Variants in DSCAM observed in about 807,000 individuals in gnomAD.
The protein encoded by DSCAM is DS cell adhesion molecule.
In DSCAM, 47 loss-of-function variants were observed where a neutral mutation model predicts 217.7. The ratio of observed to expected loss-of-function variants is 0.22; its 90% CI spans 0.17 to 0.28. DSCAM has a LOEUF of 0.28. DSCAM is among the 10% of genes least tolerant of loss of function. The pLI is 1.00. For synonymous variants in DSCAM, 1,056 were observed against 1,015.3 expected (o/e 1.04, Z -0.76); for missense variants, 2,080 against 2,618.3 (o/e 0.79, Z 4.49).
intron 3 of DSCAM, among the ~76,000 whole-genome samples, chr21:40,640,556 A>C (rs986956557): frequency 8.5e-5 from 13 of 152,310 alleles, no homozygotes; most frequent in African/African-American, 2.9e-4. Flanking sequence ...CTATTAAGGA[A>C]GGCGGTTTAG....
chr21:40,384,553 G>A (rs959996540), intron 3 of DSCAM: 2 of 153,312 alleles, frequency 1.3e-5, no homozygotes, highest in African/African-American at 4.8e-5. Flanking sequence ...GTTGCGGTGA[G>A]CTGAGATCGC....
intron 2 of DSCAM, among the ~76,000 whole-genome samples, chr21:40,696,064 A>G (rs1201704804): frequency 6.6e-6 from 1 of 151,332 alleles, no homozygotes; most frequent in Non-Finnish European, 1.5e-5. Flanking sequence ...ACACTGGGCT[A>G]GAAACCTGAG....
At chr21:40,312,759 C>T (rs1569057534) in intron 8 of DSCAM, among the ~76,000 whole-genome samples, 1 of 152,234 alleles carries the variant, frequency 6.6e-6, no homozygotes, top group Middle Eastern at 3.4e-3. Context: ...ATTACTGTTC[C>T]CCTTCTAATT....
At chr21:40,154,472 T>C (rs2090456589) in intron 16 of DSCAM, among the ~76,000 whole-genome samples, 1 of 152,116 alleles carries the variant, frequency 6.6e-6, no homozygotes, top group Non-Finnish European at 1.5e-5. Flanking sequence ...CAGGCTGGTC[T>C]CCAACTCCTG....
At chr21:40,060,187 T>C (rs1601285580) in intron 28 of DSCAM, among the ~76,000 whole-genome samples, 1 of 152,346 alleles carries the variant, frequency 6.6e-6, no homozygotes, top group Middle Eastern at 3.4e-3. Context: ...CTCTTCCTAA[T>C]TCATGCTGGT....
In DSCAM at chr21:40,425,541, A is replaced by C. The variant is rs148232796; in HGVS notation, c.509-56296T>G. On this transcript the variant is annotated intron_variant, in intron 3 of 32. Coordinates refer to ENST00000400454, the MANE Select transcript of DSCAM (RefSeq NM_001389.5). ...AATAAGAATTTTTTTACCCCCCCCT[A>C]AAAAAAAAAACATACAAAAATTAGC... Among the ~76,000 whole-genome samples the C allele has an allele frequency of 3.7e-4, 48 of 129,116 alleles. 1 individual carries two copies. The highest frequency in any genetic ancestry group is 3.2e-3 in the East Asian group (11 of 3,420). 84.7% of individuals were successfully genotyped at this position (129,116 alleles called of 152,430 possible). A position where few individuals can be genotyped will look rare whatever the true frequency, so the allele number is the denominator to read the frequency against.
chr21:40,402,596 G>C (rs2075246487), intron 3 of DSCAM, among the ~76,000 whole-genome samples: 1 of 151,360 alleles, frequency 6.6e-6, no homozygotes, highest in South Asian at 2.1e-4. Flanking sequence ...CCTAAAGTTA[G>C]GCAGACTGTG....
In DSCAM at chr21:40,276,293, A is replaced by C. The variant is rs74381926; in HGVS notation, c.2183-23T>G. 8,939 of 1,570,958 alleles carry C rather than the reference A, an allele frequency of 5.7e-3. 48 individuals carry two copies. Among genetic ancestry groups the C allele is most frequent in the South Asian group, 7.6e-3 (635 of 83,940 alleles). The stretch of plus-strand genomic sequence containing the variant: ...CACCTGAGACAGAAAAAGAAAGACG[A>C]GCAATGATGCAAACGAGAGTAAGTA... On this transcript the variant is annotated intron_variant, in intron 10 of 32. Coordinates refer to ENST00000400454, the MANE Select transcript of DSCAM (RefSeq NM_001389.5).
chr21:40,191,705 TC>T (rs920280302), intron 11 of DSCAM, among the ~76,000 whole-genome samples: 2 of 152,128 alleles, frequency 1.3e-5, no homozygotes, highest in African/African-American at 4.8e-5. Flanking sequence ...AATTCCAAAA[TC>T]AAGTCGACAA....
chr21:40,636,564 C>G (rs1400153161), intron 3 of DSCAM, among the ~76,000 whole-genome samples: 7 of 152,204 alleles, frequency 4.6e-5, no homozygotes, highest in Admixed American at 4.6e-4. Context: ...TTACTATAAC[C>G]ATTCCTTTTT....
At chr21:40,634,702 T>C (rs959203109) in intron 3 of DSCAM, among the ~76,000 whole-genome samples, 2 of 152,158 alleles carry the variant, frequency 1.3e-5, no homozygotes, top group Non-Finnish European at 2.9e-5. Flanking sequence ...TGAACTTCAG[T>C]GTATTCATTT....
intron 3 of DSCAM, among the ~76,000 whole-genome samples, chr21:40,485,864 TACAC>T (rs374825824): frequency 1.3e-5 from 2 of 152,298 alleles, no homozygotes; most frequent in East Asian, 3.9e-4. Context: ...TTCACACATA[TACAC>T]ACAGTCTGAA....
At chr21:40,465,664 T>G (rs991402707) in intron 3 of DSCAM, among the ~76,000 whole-genome samples, 2 of 152,212 alleles carry the variant, frequency 1.3e-5, no homozygotes, top group Non-Finnish European at 2.9e-5. Context: ...TGCAATTTAT[T>G]TTAGTTCATC....
At chr21:40,713,994 T>C (rs7276043) in intron 1 of DSCAM, among the ~76,000 whole-genome samples, 18,574 of 152,222 alleles carry the variant, frequency 0.12, 1,291 homozygotes, top group African/African-American at 0.18. Context: ...CTGGCTTAAC[T>C]TACTGCTCTG....
chr21:40,285,602 T>C (rs559989972), intron 10 of DSCAM, among the ~76,000 whole-genome samples: 2 of 152,222 alleles, frequency 1.3e-5, no homozygotes, highest in Admixed American at 1.3e-4. Context: ...AATAAAACAA[T>C]ATATGGAACA....
intron 3 of DSCAM, among the ~76,000 whole-genome samples, chr21:40,677,664 A>C (rs1179705386): frequency 6.6e-6 from 1 of 152,114 alleles, no homozygotes; most frequent in Non-Finnish European, 1.5e-5. Flanking sequence ...CCTAAACCTC[A>C]ATGTGATGCT....
intron 3 of DSCAM, among the ~76,000 whole-genome samples, chr21:40,410,864 G>T (rs2075316588): frequency 6.6e-6 from 1 of 152,060 alleles, no homozygotes; most frequent in African/African-American, 2.4e-5. Flanking sequence ...GCTCACAGGA[G>T]CCTTTCTGGC....
intron 16 of DSCAM, among the ~76,000 whole-genome samples, chr21:40,148,100 G>A (rs533951353): frequency 2.6e-5 from 4 of 152,258 alleles, no homozygotes; most frequent in African/African-American, 9.6e-5. Flanking sequence ...ACAAACAAGA[G>A]AGCTCTCCTC....
At chr21:40,183,962 C>G (rs2090866944) in intron 14 of DSCAM, among the ~76,000 whole-genome samples, 1 of 152,142 alleles carries the variant, frequency 6.6e-6, no homozygotes, top group Admixed American at 6.5e-5. Context: ...ATGAGGGGCA[C>G]AGGGACATAG....
Sources: allele counts gnomAD v4.1 joint callset (sites outside exome capture counted in the v4.1 genomes callset), GRCh38; gene constraint gnomAD v4.1.1; transcripts MANE v1.5; gene names NCBI Gene and HGNC (gene_info 2026-07-23, HGNC 2026-07-21).